NAV2: variants seen among roughly 807,000 people sequenced by gnomAD.
The protein encoded by NAV2 is helicase, APC down-regulated 1.
In NAV2, 54 loss-of-function variants were observed where a neutral mutation model predicts 223.2. That is an observed-to-expected ratio of 0.24 (90% CI 0.19 to 0.30). The LOEUF (loss-of-function observed/expected upper bound fraction) is 0.30. Ranked by LOEUF, NAV2 falls within the 10% of genes least tolerant of loss-of-function variation. NAV2 has a pLI of 1.00. For missense variants in NAV2, 2,806 were observed against 3,147.5 expected (o/e 0.89, Z 2.60); for synonymous variants, 1,279 against 1,239.3 (o/e 1.03, Z -0.67).
At chr11:19,709,828 G>A (rs1215664829), upstream of NAV2, among the ~76,000 whole-genome samples, 1 of 151,920 alleles carries the variant, frequency 6.6e-6, no homozygotes, top group African/African-American at 2.4e-5. Context: ...CCAGGAAAAA[G>A]CAAATAGAAT....
At chr11:19,920,933 C>T (rs867434261) in intron 6 of NAV2, among the ~76,000 whole-genome samples, 4 of 152,198 alleles carry the variant, frequency 2.6e-5, no homozygotes, top group South Asian at 4.1e-4. Flanking sequence ...CTACCACCAA[C>T]TTGTCACAGC....
At chr11:19,895,158 G>A (rs2041870487) in intron 6 of NAV2, among the ~76,000 whole-genome samples, 2 of 120,096 alleles carry the variant, frequency 1.7e-5, no homozygotes, top group Non-Finnish European at 3.2e-5. Context: ...CAATCAGGCT[G>A]GAGTGCAGTG....
chr11:20,103,630 C>G (rs535530855), intron 33 of NAV2, 23 bp from the exon 34 acceptor site: 31 of 1,613,186 alleles, frequency 1.9e-5, no homozygotes, highest in Non-Finnish European at 2.5e-5. Context: ...TCACAGCTTT[C>G]TTTTCCTTTA....
chr11:19,665,588 T>C (rs2048389222), intron 1 of NAV2, among the ~76,000 whole-genome samples: 1 of 152,212 alleles, frequency 6.6e-6, no homozygotes. Context: ...ACTCAATATA[T>C]GTAAAAGCCC....
chr11:19,770,742 C>A (rs573478656), intron 1 of NAV2, among the ~76,000 whole-genome samples: 2 of 152,126 alleles, frequency 1.3e-5, no homozygotes, highest in African/African-American at 4.8e-5. Flanking sequence ...TTACCCTGAA[C>A]GCCTTCTATG....
chr11:20,093,829 G>A (rs556073249), intron 29 of NAV2, among the ~76,000 whole-genome samples: 5 of 152,148 alleles, frequency 3.3e-5, no homozygotes, highest in Non-Finnish European at 7.3e-5. Flanking sequence ...GGCTAGAGCT[G>A]ATATTGAAAG....
rs560767849 is a variant in NAV2, at chr11:20,102,356, G to A, written c.6418-899G>A. Among the ~76,000 whole-genome samples the A allele has an allele frequency of 2.6e-5, 4 of 152,290 alleles. No individual in the cohort carries two copies. The East Asian group carries it at 7.7e-4, about 29-fold the overall frequency. ...TGTTACCCCCTGAGCAAGCAGGCTA[G>A]CATCTAAGACAGGCCAGTGTGGTGA... On this transcript the variant is annotated intron_variant, in intron 32 of 37. Coordinates refer to ENST00000349880, the MANE Select transcript of NAV2 (RefSeq NM_145117.5).
At chr11:19,391,306 C>T (rs1478680113) in intron 1 of NAV2, among the ~76,000 whole-genome samples, 1 of 152,150 alleles carries the variant, frequency 6.6e-6, no homozygotes, top group Non-Finnish European at 1.5e-5. Flanking sequence ...TAGTGTCTCA[C>T]CTCTGTTCCT....
chr11:19,997,202 A>G (rs1351843484), intron 11 of NAV2, among the ~76,000 whole-genome samples: 6 of 152,160 alleles, frequency 3.9e-5, no homozygotes, highest in Admixed American at 6.5e-5. Context: ...TATGGGGTGC[A>G]AAGTTTGACA....
chr11:19,412,633 C>A (rs900477770), intron 1 of NAV2, among the ~76,000 whole-genome samples: 20 of 152,218 alleles, frequency 1.3e-4, no homozygotes, highest in Non-Finnish European at 1.9e-4. Context: ...GACTGGGAGA[C>A]ACCTCCCAGC....
chr11:19,450,925 C>T (rs1003264329), intron 1 of NAV2, among the ~76,000 whole-genome samples: 2 of 152,098 alleles, frequency 1.3e-5, no homozygotes, highest in Non-Finnish European at 2.9e-5. Flanking sequence ...TGTGGGTCTG[C>T]TGGGTGAGGT....
At chr11:20,020,110 T>C (rs1293439711) in intron 11 of NAV2, among the ~76,000 whole-genome samples, 1 of 152,218 alleles carries the variant, frequency 6.6e-6, no homozygotes, top group Non-Finnish European at 1.5e-5. Flanking sequence ...ACGAAGTGTC[T>C]TCACTAGCAT....
Position 19,548,391 on chromosome 11 carries a change from C to T in NAV2, c.75+197364C>T, listed in dbSNP as rs149646766. On this transcript the variant is annotated intron_variant, in intron 1 of 37. Transcript: ENST00000360655. ...CCTGTGCCTATATACCCTAGGAGGG[C>T]GAGCCTGTGCTTACCTCCATTTCGC... is the stretch of plus-strand genomic sequence containing the variant. Among the ~76,000 whole-genome samples the T allele has an allele frequency of 1.5e-4, 23 of 152,186 alleles. No individual in the cohort carries two copies. The East Asian group carries it at 3.1e-3, about 20-fold the overall frequency.
intron 1 of NAV2, chr11:19,511,693 C>T (rs1386002905): frequency 6.6e-6 from 1 of 152,200 alleles, no homozygotes; most frequent in African/African-American, 2.4e-5. Flanking sequence ...GTCTCCGTCG[C>T]CCTTCTTTCT....
chr11:20,075,280 G>C (rs376115639), intron 22 of NAV2, among the ~76,000 whole-genome samples: 6 of 151,194 alleles, frequency 4.0e-5, no homozygotes, highest in Admixed American at 2.0e-4. Flanking sequence ...CTGGAGTGCA[G>C]TGGCACAATC....
Position 20,118,609 on chromosome 11 carries a change from A to C in NAV2, c.*351A>C. 1 of 180,890 alleles carries C rather than the reference A, an allele frequency of 5.5e-6. No homozygotes were observed. Among genetic ancestry groups the C allele is most frequent in the Non-Finnish European group, 1.1e-5 (1 of 86,998 alleles). The allele number at this position is 180,890 out of a possible 1,614,324, so 11.2% of individuals were successfully genotyped here. ...AGAGAAAAAAAAAAAGAGAACCCACATGAAGCTCTGAAACCAAACAGCATC... is the reference window on the plus strand; with the variant it reads ...AGAGAAAAAAAAAAAGAGAACCCACCTGAAGCTCTGAAACCAAACAGCATC... On this transcript the variant is annotated 3_prime_UTR_variant, in exon 38 of 38. Coordinates refer to ENST00000349880, the MANE Select transcript of NAV2 (RefSeq NM_145117.5).
intron 1 of NAV2, among the ~76,000 whole-genome samples, chr11:19,497,496 G>C (rs2042833513): frequency 6.6e-6 from 1 of 152,138 alleles, no homozygotes; most frequent in South Asian, 2.1e-4. Context: ...CCTTAGAGTG[G>C]TCTAGTGTGT....
At position 19,859,401 on chromosome 11, in the gene NAV2, A is replaced by G. The variant is rs1272764719; in HGVS notation, c.439-9524A>G. ...ACAAAGCACATCTTGCACCGCCCTTAATCCATTTAACCCTGAGTGGACACA... is the reference window on the plus strand; with the variant it reads ...ACAAAGCACATCTTGCACCGCCCTTGATCCATTTAACCCTGAGTGGACACA... On this transcript the variant is annotated intron_variant, in intron 3 of 37. Coordinates refer to ENST00000349880, the MANE Select transcript of NAV2 (RefSeq NM_145117.5). Among the ~76,000 whole-genome samples, 6 of 149,136 alleles carry G rather than the reference A, an allele frequency of 4.0e-5. No homozygotes were observed. The East Asian group carries it at 1.2e-3, about 30-fold the overall frequency.
intron 22 of NAV2, among the ~76,000 whole-genome samples, chr11:20,075,840 C>T (rs184663227): frequency 6.0e-5 from 9 of 150,912 alleles, no homozygotes; most frequent in Non-Finnish European, 1.2e-4. Flanking sequence ...CTCCTCCTCT[C>T]GAATTTCACA....
Sources: gnomAD v4.1 joint callset for allele counts (sites outside exome capture counted in the v4.1 genomes callset) on GRCh38, gnomAD v4.1.1 for gene constraint, MANE v1.5 for transcripts, NCBI Gene and HGNC (gene_info 2026-07-23, HGNC 2026-07-21) for gene names.